RIMS2: variants seen among roughly 807,000 people sequenced by gnomAD.
The protein encoded by RIMS2 is regulating synaptic membrane exocytosis 2, also known as regulating synaptic membrane exocytosis protein 2.
Under a neutral mutation model 174.4 loss-of-function variants are expected in RIMS2, and 59 were observed. The ratio of observed to expected loss-of-function variants is 0.34; its 90% CI spans 0.27 to 0.42. RIMS2 has a LOEUF of 0.42. Among genes scored for constraint, RIMS2 ranks in the 10% least tolerant of loss-of-function variants. RIMS2 has a pLI of 1.00. For synonymous variants in RIMS2, 606 were observed against 572.5 expected (o/e 1.06, Z -0.84); for missense variants, 1,620 against 1,666.3 (o/e 0.97, Z 0.48).
chr8:104,003,369 G>A (rs991699555), intron 17 of RIMS2, among the ~76,000 whole-genome samples: 9 of 151,704 alleles, frequency 5.9e-5, no homozygotes, highest in Non-Finnish European at 1.5e-5. Context: ...GCAGGAAATA[G>A]CAAGAAATGA....
intron 19 of RIMS2, among the ~76,000 whole-genome samples, chr8:104,228,285 C>A (rs2099201998): frequency 6.6e-6 from 1 of 152,118 alleles, no homozygotes; most frequent in Non-Finnish European, 1.5e-5. Context: ...GCCTCGACCT[C>A]CCAAAGTGCT....
In RIMS2 at chr8:103,519,353, A is replaced by T. The variant is rs1247904044; in HGVS notation, c.176+18291A>T. On this transcript the variant is annotated intron_variant, in intron 1 of 23. Transcript: ENST00000504942. ...AAATCTTATGGAATTGTTTTGGAAC[A>T]CAGGCTTCCAATCTGCCACCAGATT... 5.9e-5 allele frequency among the ~76,000 whole-genome samples: 9 copies of T among 152,278 alleles called. No homozygotes were observed. The South Asian group carries it at 8.3e-4, about 14-fold the overall frequency.
rs180773882 is a variant in RIMS2, at chr8:103,698,025, T to C, written c.387+729T>C. ...TCTTTAGACTTTGCATTTATCTACTTACTAATCTTATCACCTACTTATTTA... is the reference window on the plus strand; with the variant it reads ...TCTTTAGACTTTGCATTTATCTACTCACTAATCTTATCACCTACTTATTTA... On this transcript the variant is annotated intron_variant, in intron 2 of 23. Transcript: ENST00000504942. 2.6e-5 allele frequency among the ~76,000 whole-genome samples: 4 copies of C among 152,356 alleles called. No individual in the cohort carries two copies. The East Asian group carries it at 7.7e-4, about 29-fold the overall frequency.
At chr8:103,838,352 A>C (rs774450511) in intron 3 of RIMS2, among the ~76,000 whole-genome samples, 1 of 152,330 alleles carries the variant, frequency 6.6e-6, no homozygotes, top group East Asian at 1.9e-4. Context: ...ACATGTAAGC[A>C]AAAGTCATTA....
In RIMS2 at chr8:104,148,310, T is replaced by C. The variant is rs1252030128; in HGVS notation, c.3335-96606T>C. 5.3e-5 allele frequency among the ~76,000 whole-genome samples: 8 copies of C among 152,042 alleles called. No homozygotes were observed. In the East Asian group the frequency reaches 1.5e-3, roughly 29 times the overall value. The stretch of plus-strand genomic sequence containing the variant: ...CTTTAGGTGCTGCAGGACAGCATAG[T>C]GTCTTAAATGAACCCACTGATTTTT... On this transcript the variant is annotated intron_variant, in intron 19 of 23. Coordinates refer to ENST00000504942, the Ensembl canonical transcript of RIMS2.
chr8:103,981,609 A>C (rs1296676473), intron 16 of RIMS2, among the ~76,000 whole-genome samples: 1 of 152,200 alleles, frequency 6.6e-6, no homozygotes, highest in African/African-American at 2.4e-5. Flanking sequence ...CAAAACTGCT[A>C]TTTTGAGGGA....
intron 1 of RIMS2, among the ~76,000 whole-genome samples, chr8:103,573,393 TG>T (rs1243941861): frequency 2.6e-5 from 4 of 152,184 alleles, no homozygotes; most frequent in African/African-American, 9.6e-5. Context: ...AATTAATTTT[TG>T]AATATGGTCA....
At chr8:104,031,297 T>G (rs765277230) in intron 19 of RIMS2, among the ~76,000 whole-genome samples, 1 of 152,098 alleles carries the variant, frequency 6.6e-6, no homozygotes, top group African/African-American at 2.4e-5. Flanking sequence ...TTTCATTTCA[T>G]CACAATAAAA....
At position 104,244,903 on chromosome 8, in the gene RIMS2, T is replaced by G; in HGVS notation, c.3335-13T>G. ...TTACAAAGCTGTTACACTTTTTGTT[T>G]CTATCTCTGCAGAAGCAGGAGGTAA... is the stretch of plus-strand genomic sequence containing the variant. On this transcript the variant is annotated splice_polypyrimidine_tract_variant and intron_variant, in intron 19 of 23. Coordinates refer to ENST00000504942, the Ensembl canonical transcript of RIMS2. The G allele has an allele frequency of 6.2e-7, 1 of 1,611,372 alleles. No individual in the cohort carries two copies. The highest frequency in any genetic ancestry group is 8.5e-7 in the Non-Finnish European group (1 of 1,177,898).
At chr8:103,989,305 T>C in exon 17 of RIMS2, 1 of 1,570,364 alleles carries the variant, frequency 6.4e-7, no homozygotes, top group East Asian at 2.2e-5. Context: ...GTTGTTTTAG[T>C]CGGAATGTGG....
chr8:104,177,995 A>C (rs1415640406), intron 19 of RIMS2, among the ~76,000 whole-genome samples: 3 of 152,218 alleles, frequency 2.0e-5, no homozygotes, highest in Non-Finnish European at 4.4e-5. Context: ...GGAAGCAGAC[A>C]AGAAATGAGC....
intron 4 of RIMS2, among the ~76,000 whole-genome samples, chr8:103,900,385 A>T (rs545565527): frequency 1.8e-4 from 28 of 151,830 alleles, no homozygotes; most frequent in African/African-American, 5.6e-4. Flanking sequence ...CACCACGCCC[A>T]GCTAATTTTT....
intron 19 of RIMS2, among the ~76,000 whole-genome samples, chr8:104,207,974 G>A (rs1353713721): frequency 6.6e-6 from 1 of 151,814 alleles, no homozygotes; most frequent in South Asian, 2.1e-4. Flanking sequence ...TTGCTATGGT[G>A]CCCCAGCTGG....
intron 3 of RIMS2, among the ~76,000 whole-genome samples, chr8:103,776,032 C>T (rs192157441): frequency 1.3e-5 from 2 of 152,240 alleles, no homozygotes; most frequent in African/African-American, 4.8e-5. Flanking sequence ...CATAGATTGA[C>T]ATTTGTTCTG....
chr8:104,052,354 C>A (rs2096800376), intron 19 of RIMS2, among the ~76,000 whole-genome samples: 1 of 151,944 alleles, frequency 6.6e-6, no homozygotes, highest in South Asian at 2.1e-4. Context: ...AAATAATTTA[C>A]CTAATCTAAC....
At chr8:103,892,174 A>T (rs1157456735) in intron 4 of RIMS2, among the ~76,000 whole-genome samples, 1 of 151,552 alleles carries the variant, frequency 6.6e-6, no homozygotes, top group African/African-American at 2.4e-5. Context: ...TAATAATAAG[A>T]ATATGTTAAA....
intron 1 of RIMS2, among the ~76,000 whole-genome samples, chr8:103,628,262 T>G (rs1346856681): frequency 6.6e-6 from 1 of 151,678 alleles, no homozygotes; most frequent in East Asian, 1.9e-4. Context: ...AAAAAGCAAC[T>G]AATAGAAGAC....
chr8:104,146,766 T>G (rs1224605674), intron 19 of RIMS2, among the ~76,000 whole-genome samples: 2 of 152,200 alleles, frequency 1.3e-5, no homozygotes, highest in African/African-American at 4.8e-5. Flanking sequence ...AGTGGCACCA[T>G]CTCGGCTCAC....
At chr8:104,065,663 G>A (rs754234729) in intron 19 of RIMS2, among the ~76,000 whole-genome samples, 3 of 152,024 alleles carry the variant, frequency 2.0e-5, no homozygotes, top group Non-Finnish European at 2.9e-5. Flanking sequence ...TGTCCCAAGG[G>A]TTATTCTTCT....
Sources: gnomAD v4.1 joint callset for allele counts (sites outside exome capture counted in the v4.1 genomes callset) on GRCh38, gnomAD v4.1.1 for gene constraint, MANE v1.5 for transcripts, NCBI Gene and HGNC (gene_info 2026-07-23, HGNC 2026-07-21) for gene names.